OPCML: variants seen among roughly 807,000 people sequenced by gnomAD.
OPCML encodes opioid binding protein/cell adhesion molecule like.
OPCML carries 13 observed loss-of-function variants against 37.8 expected under a neutral mutation model. That is an observed-to-expected ratio of 0.34 (90% CI 0.22 to 0.55). The LOEUF (loss-of-function observed/expected upper bound fraction) is 0.55. OPCML is among the 20% of genes least tolerant of loss of function. The probability of loss-of-function intolerance (pLI) is 0.91; values close to 1 mark genes in which losing one functional copy is unlikely to be tolerated. For missense variants in OPCML, 341 were observed against 435.6 expected (o/e 0.78, Z 1.93); for synonymous variants, 176 against 168.8 (o/e 1.04, Z -0.33).
intron 4 of OPCML, among the ~76,000 whole-genome samples, chr11:132,519,520 T>C (rs2096287562): frequency 6.6e-6 from 1 of 152,034 alleles, no homozygotes; most frequent in Admixed American, 6.6e-5. Context: ...GTTTTAATAT[T>C]GTTAAGTTGC....
intron 1 of OPCML, among the ~76,000 whole-genome samples, chr11:133,526,563 A>G (rs994622717): frequency 6.6e-6 from 1 of 152,026 alleles, no homozygotes; most frequent in African/African-American, 2.4e-5. Flanking sequence ...CTGGTTTTGG[A>G]TTTCTTTTGG....
At chr11:132,573,168 A>G (rs2096442450) in intron 3 of OPCML, among the ~76,000 whole-genome samples, 1 of 151,092 alleles carries the variant, frequency 6.6e-6, no homozygotes, top group Non-Finnish European at 1.5e-5. Flanking sequence ...TATATACGAG[A>G]TCACATAGTC....
intron 1 of OPCML, among the ~76,000 whole-genome samples, chr11:133,407,334 A>C (rs76540381): frequency 0.021 from 3,143 of 152,288 alleles, 102 homozygotes; most frequent in African/African-American, 0.071. Flanking sequence ...ATATAGTTGT[A>C]ATTCATGATA....
rs377736893 is a variant in OPCML at position 132,657,291 on chromosome 11, C to T, written c.175G>A (p.Val59Met). The T allele has an allele frequency of 1.2e-6, 2 of 1,614,186 alleles. No homozygotes were observed. Among genetic ancestry groups the T allele is most frequent in the African/African-American group, 2.7e-5 (2 of 75,042 alleles). ...ATGGTGCTGCGGTTTAGCCAGGCCA[C>T]CCGGGTTACCCGGTCATCTATGGTA... is the stretch of plus-strand genomic sequence containing the variant. The part of the protein sequence containing the change: ...RCTIDDRVTR[V>M]AWLNRSTILY... Residue 59 changes from valine (V) to methionine (M), a missense_variant, in exon 3 of 8, where the codon GTG (valine) becomes ATG (methionine). Val to Met is a conservative substitution (Grantham distance 21). Transcript: ENST00000524381.
At chr11:132,569,914 C>T (rs1206300848) in intron 3 of OPCML, among the ~76,000 whole-genome samples, 1 of 151,204 alleles carries the variant, frequency 6.6e-6, no homozygotes, top group African/African-American at 2.4e-5. Context: ...ACAAATTTCA[C>T]CACCCAGAGG....
intron 2 of OPCML, among the ~76,000 whole-genome samples, chr11:132,814,590 C>T (rs1301935542): frequency 6.6e-6 from 1 of 152,126 alleles, no homozygotes; most frequent in East Asian, 1.9e-4. Flanking sequence ...TTAAAAAGGG[C>T]ATTCTAGTTT....
chr11:133,056,065 G>C (rs545911740), intron 1 of OPCML, among the ~76,000 whole-genome samples: 2 of 152,240 alleles, frequency 1.3e-5, no homozygotes, highest in African/African-American at 2.4e-5. Flanking sequence ...GTAAAAGAGA[G>C]AATATTTAAA....
At chr11:133,185,620 A>G (rs1281788300) in intron 1 of OPCML, among the ~76,000 whole-genome samples, 1 of 152,202 alleles carries the variant, frequency 6.6e-6, no homozygotes, top group South Asian at 2.1e-4. Context: ...GAGGCAGAGA[A>G]TAGATGGGGT....
intron 4 of OPCML, among the ~76,000 whole-genome samples, chr11:132,464,559 A>T (rs1280366489): frequency 6.6e-6 from 1 of 152,218 alleles, no homozygotes; most frequent in Non-Finnish European, 1.5e-5. Flanking sequence ...AATAAATAAA[A>T]GTTTCCATTA....
chr11:132,628,069 A>C (rs1333927916), intron 3 of OPCML, among the ~76,000 whole-genome samples: 1 of 152,228 alleles, frequency 6.6e-6, no homozygotes, highest in Non-Finnish European at 1.5e-5. Flanking sequence ...CAAGCAGGTA[A>C]GAAAAAGCAG....
chr11:132,472,109 T>C (rs567954336), intron 4 of OPCML, among the ~76,000 whole-genome samples: 1 of 152,328 alleles, frequency 6.6e-6, no homozygotes, highest in East Asian at 1.9e-4. Context: ...TCCTGACAAA[T>C]ATGTAATAAC....
chr11:132,851,216 C>A (rs1302853156), intron 2 of OPCML, among the ~76,000 whole-genome samples: 2 of 152,236 alleles, frequency 1.3e-5, no homozygotes, highest in East Asian at 3.9e-4. Context: ...CTCAACATTT[C>A]TTCCAATTTG....
intron 1 of OPCML, among the ~76,000 whole-genome samples, chr11:133,197,585 A>G (rs1379330310): frequency 6.6e-6 from 1 of 152,210 alleles, no homozygotes. Context: ...GATGGGAATG[A>G]CTAATCACAG....
intron 3 of OPCML, among the ~76,000 whole-genome samples, chr11:132,643,422 C>T (rs1200219795): frequency 6.6e-6 from 1 of 152,172 alleles, no homozygotes; most frequent in Non-Finnish European, 1.5e-5. Flanking sequence ...ATTGGGCTTG[C>T]ACCGGGAGGG....
chr11:132,636,038 T>A (rs989631961), intron 3 of OPCML, among the ~76,000 whole-genome samples: 2 of 152,214 alleles, frequency 1.3e-5, no homozygotes, highest in African/African-American at 4.8e-5. Flanking sequence ...ACATGCACAA[T>A]TGGGCATGTG....
At chr11:132,570,081 T>C (rs1300994745) in intron 3 of OPCML, among the ~76,000 whole-genome samples, 1 of 152,222 alleles carries the variant, frequency 6.6e-6, no homozygotes, top group Non-Finnish European at 1.5e-5. Context: ...ATAATTATTA[T>C]TTTCACATTA....
At chr11:133,357,988 C>G (rs1378622469) in intron 1 of OPCML, among the ~76,000 whole-genome samples, 1 of 152,132 alleles carries the variant, frequency 6.6e-6, no homozygotes, top group Admixed American at 6.5e-5. Flanking sequence ...TACCCCACTG[C>G]ACACCATAGA....
intron 1 of OPCML, among the ~76,000 whole-genome samples, chr11:133,230,389 G>C (rs932299146): frequency 2.0e-5 from 3 of 150,986 alleles, no homozygotes; most frequent in Non-Finnish European, 4.4e-5. Flanking sequence ...TCAAGGCGAG[G>C]TGCTGGACAG....
chr11:132,868,245 T>C (rs1266387926), intron 2 of OPCML, among the ~76,000 whole-genome samples: 1 of 151,940 alleles, frequency 6.6e-6, no homozygotes, highest in Non-Finnish European at 1.5e-5. Flanking sequence ...AATGGAATTT[T>C]TAGCCCATAA....
Sources: allele counts gnomAD v4.1 joint callset (sites outside exome capture counted in the v4.1 genomes callset), GRCh38; gene constraint gnomAD v4.1.1; transcripts MANE v1.5; gene names NCBI Gene and HGNC (gene_info 2026-07-23, HGNC 2026-07-21).